The following EPHA10 variants were observed in gnomAD, a reference collection of about 807,000 sequenced individuals.
EPHA10 encodes EPH receptor A10, also known as ephrin type-A receptor 10.
A neutral mutation model predicts 109.7 loss-of-function variants in EPHA10; 120 were observed. The observed-to-expected ratio is 1.09, with a 90% CI of 0.94 to 1.27. The LOEUF is 1.27. EPHA10 is among the 50% of genes most tolerant of loss of function. The pLI, the probability that EPHA10 is intolerant of heterozygous loss-of-function variation, is 0.00. For missense variants in EPHA10, 1,396 were observed against 1,411.1 expected (o/e 0.99, Z 0.17); for synonymous variants, 640 against 618.9 (o/e 1.03, Z -0.51).
Position 37,754,726 on chromosome 1 carries a change from A to C in EPHA10, c.851-356T>G, listed in dbSNP as rs1646379037. 2.6e-5 allele frequency among the ~76,000 whole-genome samples: 4 copies of C among 152,060 alleles called. No individual in the cohort carries two copies. The South Asian group carries it at 8.3e-4, about 32-fold the overall frequency. On this transcript the variant is annotated intron_variant, in intron 3 of 16. Coordinates refer to ENST00000373048, the MANE Select transcript of EPHA10 (RefSeq NM_001099439.2). This position sits in a 1 kb window ranked among gnomAD's most constrained non-coding sequence, Gnocchi z 4.5. ...CCCCGTCTCTATTTATTATTTTTTAAATTACGTCTATTAATTCATTGAATC... is the reference window on the plus strand; with the variant it reads ...CCCCGTCTCTATTTATTATTTTTTACATTACGTCTATTAATTCATTGAATC...
intron 5 of EPHA10, among the ~76,000 whole-genome samples, chr1:37,745,590 T>C (rs912714666): frequency 6.6e-6 from 1 of 152,230 alleles, no homozygotes; most frequent in Non-Finnish European, 1.5e-5. Flanking sequence ...GGCTCATACC[T>C]GTAATCTCAG....
chr1:37,725,455 G>A (rs1300238424), intron 8 of EPHA10, among the ~76,000 whole-genome samples: 1 of 139,884 alleles, frequency 7.1e-6, no homozygotes, highest in Non-Finnish European at 1.5e-5. Flanking sequence ...GCACTGAGCT[G>A]AGATCATGCC....
intron 6 of EPHA10, 130 bp from the exon 7 acceptor site, chr1:37,731,712 C>A: frequency 4.2e-6 from 4 of 960,354 alleles, no homozygotes; most frequent in African/African-American, 3.3e-5. Flanking sequence ...GAAAACCCAA[C>A]CTCAATCATC....
chr1:37,719,978 G>C lies in EPHA10; in HGVS notation c.2493C>G (p.Ser831Arg), dbSNP rs1322797167. The change falls in exon 14 of 17, where the codon AGC becomes AGG. Residue 831 changes from serine (S) to arginine (R), a missense_variant. Coordinates refer to ENST00000373048, the MANE Select transcript of EPHA10 (RefSeq NM_001099439.2). ...GHFSSASDVW[S>R]FGIIMWEVMA... ...TCACCTCCCACATGATGATGCCGAAGCTCCACACGTCACTGGCAGAGCTGA... is the reference window on the plus strand; with the variant it reads ...TCACCTCCCACATGATGATGCCGAACCTCCACACGTCACTGGCAGAGCTGA... The C allele has an allele frequency of 1.9e-6, 3 of 1,614,000 alleles. No individual in the cohort carries two copies. The highest frequency in any genetic ancestry group is 2.5e-6 in the Non-Finnish European group (3 of 1,180,046).
intron 5 of EPHA10, among the ~76,000 whole-genome samples, chr1:37,744,498 TAA>T (rs60498683): frequency 7.3e-6 from 1 of 136,932 alleles, no homozygotes; most frequent in Admixed American, 7.4e-5. Flanking sequence ...CCAGCCCATC[TAA>T]AAAAAAAAAA....
rs1557562412 is a variant in EPHA10, at chr1:37,764,612, G to GCATCTCCCTGTCTCCACTCTT, written c.106+328_106+348dup. 1.3e-5 allele frequency among the ~76,000 whole-genome samples: 2 copies of GCATCTCCCTGTCTCCACTCTT among 151,924 alleles called. No homozygotes were observed. The highest frequency in any genetic ancestry group is 4.8e-5 in the African/African-American group (2 of 41,344). ...CTCCCCATATTCCGAGCTCACCTCC[G>GCATCTCCCTGTCTCCACTCTT]CATCTCCCTGTCTCCACTCTTCATC... On this transcript the variant is annotated intron_variant, in intron 1 of 16. Coordinates refer to ENST00000373048, the MANE Select transcript of EPHA10 (RefSeq NM_001099439.2). This position sits in a 1 kb window ranked among gnomAD's most constrained non-coding sequence, Gnocchi z 5.8.
At position 37,719,537 on chromosome 1, in the gene EPHA10, A is replaced by G; in HGVS notation, c.2633T>C (p.Leu878Pro). 3.1e-6 allele frequency: 5 copies of G among 1,614,042 alleles called. No individual in the cohort carries two copies. Among genetic ancestry groups the G allele is most frequent in the Non-Finnish European group, 4.2e-6 (5 of 1,180,032 alleles). Residue 878 changes from leucine (L) to proline (P), a missense_variant, in exon 15 of 17, where the codon CTA becomes CCA. Leu to Pro is a moderately conservative substitution (Grantham distance 98, BLOSUM62 -3). Transcript: ENST00000373048. ...GTCCTTCTGCCAGCAGTCGAGCATT[A>G]GTCGGTGCAGAAGGTTAGGACAGTT... ...PRNCPNLLHR[L>P]MLDCWQKDPG...
chr1:37,754,959 A>G lies in EPHA10; in HGVS notation c.851-589T>C, dbSNP rs976773829. 2.6e-5 allele frequency among the ~76,000 whole-genome samples: 4 copies of G among 151,836 alleles called. No individual in the cohort carries two copies. The highest frequency in any genetic ancestry group is 5.9e-5 in the Non-Finnish European group (4 of 67,966). Reference sequence around the variant, plus strand: ...ATTACAAGTGTGCACCACCATGCCCAGTTACTTTTTTTGTATTTTTAGTAG... The same window carrying G: ...ATTACAAGTGTGCACCACCATGCCCGGTTACTTTTTTTGTATTTTTAGTAG... On this transcript the variant is annotated intron_variant, in intron 3 of 16. Coordinates refer to ENST00000373048, the MANE Select transcript of EPHA10 (RefSeq NM_001099439.2). The surrounding 1 kb of genome is among the most constrained non-coding windows in gnomAD (Gnocchi z 4.5).
downstream of EPHA10, among the ~76,000 whole-genome samples, chr1:37,715,546 C>T (rs1289732958): frequency 6.6e-6 from 1 of 152,160 alleles, no homozygotes; most frequent in East Asian, 1.9e-4. Context: ...TACATCTGTG[C>T]TCCGAGGTTC....
chr1:37,719,622 T>C lies in EPHA10; in HGVS notation c.2563-15A>G. 1 of 1,611,656 alleles carries C rather than the reference T, an allele frequency of 6.2e-7. No homozygotes were observed. ...GCCTTGATCACCTGGGCCACAGGGG[T>C]GGGGAGCAGAGAGGAGGCTCTGGGT... On this transcript the variant is annotated splice_polypyrimidine_tract_variant and intron_variant, in intron 14 of 16. Coordinates refer to ENST00000373048, the MANE Select transcript of EPHA10 (RefSeq NM_001099439.2).
chr1:37,738,349 AGAGT>A (rs768394992), intron 5 of EPHA10, among the ~76,000 whole-genome samples: 20 of 152,178 alleles, frequency 1.3e-4, no homozygotes, highest in Non-Finnish European at 2.6e-4. Flanking sequence ...CGTGGGCAAC[AGAGT>A]GAGACTCTGT....
At chr1:37,758,373 T>C (rs1317512575) in intron 3 of EPHA10, among the ~76,000 whole-genome samples, 1 of 152,144 alleles carries the variant, frequency 6.6e-6, no homozygotes, top group Non-Finnish European at 1.5e-5. Context: ...TACCTCCTCT[T>C]CTAATTCAAA....
At position 37,753,043 on chromosome 1, in the gene EPHA10, G is replaced by A; in HGVS notation, c.1190C>T (p.Ala397Val). ...GACEPCGPRV[A>V]FLPRQAGLRE... is the part of the protein sequence containing the mutation. Reference sequence around the variant, plus strand: ...CAGCCCTGCCTGGCGCGGTAGGAAGGCCACGCGCGGCCCGCACGGCTCGCA... The same window carrying A: ...CAGCCCTGCCTGGCGCGGTAGGAAGACCACGCGCGGCCCGCACGGCTCGCA... Residue 397 changes from alanine to valine, a missense_variant, in exon 5 of 17, where the codon GCC becomes GTC. Transcript: ENST00000373048. The A allele has an allele frequency of 8.1e-7, 1 of 1,239,838 alleles. No homozygotes were observed. Among genetic ancestry groups the A allele is most frequent in the Non-Finnish European group, 1.0e-6 (1 of 994,278 alleles). 76.8% of individuals were successfully genotyped at this position (1,239,838 alleles called of 1,614,324 possible).
chr1:37,721,840 A>C lies in EPHA10; in HGVS notation c.1966T>G (p.Phe656Val). The C allele has an allele frequency of 6.3e-7, 1 of 1,589,812 alleles. No individual in the cohort carries two copies. The highest frequency in any genetic ancestry group is 8.6e-7 in the Non-Finnish European group (1 of 1,166,266). The change falls in exon 11 of 17, where the codon TTT becomes GTT. Residue 656 changes from phenylalanine to valine, a missense_variant. Transcript: ENST00000373048. ...TLERSLGGGR[F>V]GELCCGCLQL... ...AAGCAGCCACAGCACAGCTCCCCAA[A>C]CCGCCCTGTGGGGAAACAGCACCTC...
rs550011156 is a variant in EPHA10 at position 37,749,025 on chromosome 1, A to T, written c.1357+3851T>A. Among the ~76,000 whole-genome samples the T allele has an allele frequency of 2.0e-5, 3 of 148,890 alleles. No homozygotes were observed. In the East Asian group the frequency reaches 6.0e-4, roughly 30 times the overall value. Reference sequence around the variant, plus strand: ...GCAACCTCCACCTCCAGGGTTCAAGAGATTCTCCTGCCTCAGCCTCCCCAG... The same window carrying T: ...GCAACCTCCACCTCCAGGGTTCAAGTGATTCTCCTGCCTCAGCCTCCCCAG... On this transcript the variant is annotated intron_variant, in intron 5 of 16. Coordinates refer to ENST00000373048, the MANE Select transcript of EPHA10 (RefSeq NM_001099439.2).
At chr1:37,720,738 G>A (rs772783120) in intron 12 of EPHA10, 45 bp downstream of exon 12, 22 of 1,605,942 alleles carry the variant, frequency 1.4e-5, no homozygotes, top group Non-Finnish European at 1.6e-5. Context: ...ACCCCTGCCC[G>A]CTTTACAGAA....
chr1:37,718,296 A>C lies in EPHA10; in HGVS notation c.*76T>G, dbSNP rs1478233740. Reference sequence around the variant, plus strand: ...GCTCCCTCCCACACTGCTGGAGCGCAGCTTGCCACGGTCCTTGGGCAGGGC... The same window carrying C: ...GCTCCCTCCCACACTGCTGGAGCGCCGCTTGCCACGGTCCTTGGGCAGGGC... On this transcript the variant is annotated 3_prime_UTR_variant, in exon 17 of 17. Transcript: ENST00000373048. 1 of 1,288,690 alleles carries C rather than the reference A, an allele frequency of 7.8e-7. No individual in the cohort carries two copies. The highest frequency in any genetic ancestry group is 1.5e-5 in the African/African-American group (1 of 67,490). The allele number at this position is 1,288,690 out of a possible 1,614,324, so 79.8% of individuals were successfully genotyped here. A position where few individuals can be genotyped will look rare whatever the true frequency, so the allele number is the denominator to read the frequency against.
At chr1:37,732,348 C>T (rs1217237007) in intron 6 of EPHA10, among the ~76,000 whole-genome samples, 1 of 152,118 alleles carries the variant, frequency 6.6e-6, no homozygotes, top group Non-Finnish European at 1.5e-5. Flanking sequence ...CCCCGCTCCA[C>T]CCCAACACAC....
At chr1:37,732,365 A>T (rs765595215) in intron 6 of EPHA10, among the ~76,000 whole-genome samples, 11 of 151,954 alleles carry the variant, frequency 7.2e-5, no homozygotes, top group Non-Finnish European at 1.2e-4. Context: ...ACACCTGACA[A>T]TGGCATACTA....
Sources: allele counts gnomAD v4.1 joint callset (sites outside exome capture counted in the v4.1 genomes callset), GRCh38; gene constraint gnomAD v4.1.1; non-coding constraint Gnocchi (gnomAD v3.1); transcripts MANE v1.5; gene names NCBI Gene and HGNC (gene_info 2026-07-23, HGNC 2026-07-21).